Variants in CALN1 observed in about 807,000 individuals in gnomAD.
The protein encoded by CALN1 is calcium-binding protein 8.
A neutral mutation model predicts 30.6 loss-of-function variants in CALN1; 17 were observed. The ratio of observed to expected loss-of-function variants is 0.56; its 90% CI spans 0.38 to 0.83. The LOEUF (loss-of-function observed/expected upper bound fraction) is 0.83, where lower values mean the gene tolerates loss of function less well. Ranked by LOEUF, CALN1 falls within the 40% of genes least tolerant of loss-of-function variation. The pLI is 0.00. For missense variants in CALN1, 291 were observed against 354.9 expected, an observed-to-expected ratio of 0.82 and a Z score of 1.45; for synonymous variants, 156 against 131.4, an observed-to-expected ratio of 1.19 and a Z score of -1.28.
At chr7:72,415,315 T>A (rs1474748892), upstream of CALN1, among the ~76,000 whole-genome samples, 1 of 152,246 alleles carries the variant, frequency 6.6e-6, no homozygotes, top group Non-Finnish European at 1.5e-5. Flanking sequence ...TTTCTCCTTC[T>A]TATAAAACGG....
chr7:71,895,017 C>A (rs1439479849), intron 5 of CALN1, among the ~76,000 whole-genome samples: 2 of 151,478 alleles, frequency 1.3e-5, no homozygotes, highest in African/African-American at 4.9e-5. Context: ...TGCAGTGATG[C>A]AGTCTTGGCT....
At chr7:72,464,098 A>AAGAG in the CALN1 span, among the ~76,000 whole-genome samples, 1 of 142,260 alleles carries the variant, frequency 7.0e-6, no homozygotes, top group Non-Finnish European at 1.5e-5. Context: ...GAAAGAAAGA[A>AAGAG]AGAGAGAGAA....
chr7:72,046,149 T>A (rs1802456841), intron 4 of CALN1, among the ~76,000 whole-genome samples: 1 of 151,438 alleles, frequency 6.6e-6, no homozygotes, highest in Admixed American at 6.6e-5. Context: ...CCTGTCTCTA[T>A]AAGAAATACA....
At chr7:71,811,685 T>A (rs201849381) in intron 5 of CALN1, among the ~76,000 whole-genome samples, 1 of 64,002 alleles carries the variant, frequency 1.6e-5, no homozygotes, top group Non-Finnish European at 3.0e-5. Context: ...TCTTTTTTTT[T>A]TTTTTTTTCC....
intron 3 of CALN1, among the ~76,000 whole-genome samples, chr7:72,164,521 A>G (rs1788379085): frequency 1.3e-5 from 2 of 152,200 alleles, no homozygotes; most frequent in Non-Finnish European, 2.9e-5. Flanking sequence ...TTCTCCCTGC[A>G]GGTGTTAGAG....
intron 6 of CALN1, among the ~76,000 whole-genome samples, chr7:71,800,766 G>A (rs1279321949): frequency 6.7e-6 from 1 of 149,662 alleles, no homozygotes; most frequent in African/African-American, 2.5e-5. Context: ...TTGACAGGTA[G>A]ACCCAGGTTA....
intron 2 of CALN1, among the ~76,000 whole-genome samples, chr7:72,394,972 G>C (rs771239087): frequency 1.3e-5 from 2 of 152,142 alleles, no homozygotes; most frequent in South Asian, 4.2e-4. Flanking sequence ...TTCTATTCTT[G>C]TCTTGTAAGT....
chr7:72,045,719 A>G lies in CALN1; in HGVS notation c.389-21950T>C, dbSNP rs1366400212. On this transcript the variant is annotated intron_variant, in intron 4 of 6. Coordinates refer to ENST00000395275, the MANE Select transcript of CALN1 (RefSeq NM_031468.4). The stretch of plus-strand genomic sequence containing the variant: ...CATTTTTTAATTTTTTCGTAGAGAG[A>G]CCAGGTGTGGTGGCTCACACCTGTA... Among the ~76,000 whole-genome samples the G allele has an allele frequency of 5.3e-5, 8 of 152,032 alleles. No homozygotes were observed. In the East Asian group the frequency reaches 1.6e-3, roughly 30 times the overall value.
intron 5 of CALN1, among the ~76,000 whole-genome samples, chr7:72,014,054 T>C (rs1800239296): frequency 6.6e-6 from 1 of 151,760 alleles, no homozygotes. Flanking sequence ...TCTTTCTATT[T>C]ACATTTCTAT....
intron 3 of CALN1, among the ~76,000 whole-genome samples, chr7:72,212,450 T>C (rs551559161): frequency 5.3e-5 from 8 of 152,076 alleles, no homozygotes; most frequent in South Asian, 2.1e-4. Flanking sequence ...CCAGCCCCCA[T>C]TGAAACTATT....
In CALN1 at chr7:71,801,933, A is replaced by G. The variant is rs537741417; in HGVS notation, c.658+8403T>C. Among the ~76,000 whole-genome samples, 6 of 152,012 alleles carry G rather than the reference A, an allele frequency of 3.9e-5. No homozygotes were observed. The South Asian group carries it at 1.0e-3, about 26-fold the overall frequency. ...GTGGAGGTTGCAGGGAGTTGAGATC[A>G]TATCACTTCACTCCAGCCCGGGCAA... On this transcript the variant is annotated intron_variant, in intron 6 of 6. Coordinates refer to ENST00000395275, the MANE Select transcript of CALN1 (RefSeq NM_031468.4).
intron 3 of CALN1, among the ~76,000 whole-genome samples, chr7:72,109,883 T>TGGGTTAGGA (rs1807440523): frequency 1.1e-5 from 1 of 88,280 alleles, no homozygotes. Context: ...TCTGAAAAAA[T>TGGGTTAGGA]GGGTTAGGTG....
intron 5 of CALN1, among the ~76,000 whole-genome samples, chr7:71,948,340 T>C (rs1796511019): frequency 6.6e-6 from 1 of 152,112 alleles, no homozygotes; most frequent in Non-Finnish European, 1.5e-5. Context: ...TGATGGGTCT[T>C]CCAAATGCTC....
At chr7:71,882,266 T>C (rs1387403462) in intron 5 of CALN1, among the ~76,000 whole-genome samples, 1 of 152,220 alleles carries the variant, frequency 6.6e-6, no homozygotes, top group Admixed American at 6.5e-5. Context: ...ACCTCTGCTT[T>C]TGTTCTCACG....
intron 5 of CALN1, among the ~76,000 whole-genome samples, chr7:71,965,289 C>T (rs543639758): frequency 2.0e-5 from 3 of 152,144 alleles, no homozygotes; most frequent in African/African-American, 4.8e-5. Flanking sequence ...CCTCAGCCTC[C>T]CAAAGTACTA....
intron 2 of CALN1, among the ~76,000 whole-genome samples, chr7:72,313,923 G>C (rs1800236943): frequency 6.6e-6 from 1 of 152,160 alleles, no homozygotes; most frequent in Non-Finnish European, 1.5e-5. Flanking sequence ...GTAACCACAG[G>C]GTGGACAAAT....
At chr7:71,925,344 T>G (rs1191122619) in intron 5 of CALN1, among the ~76,000 whole-genome samples, 3 of 152,122 alleles carry the variant, frequency 2.0e-5, no homozygotes, top group African/African-American at 7.2e-5. Context: ...CTTTCAACTA[T>G]TCCTAGAAAT....
intron 3 of CALN1, among the ~76,000 whole-genome samples, chr7:72,119,383 C>T (rs1451984865): frequency 6.6e-6 from 1 of 152,050 alleles, no homozygotes; most frequent in South Asian, 2.1e-4. Context: ...ATGAGAACAG[C>T]GCAGGAAAGA....
Position 72,023,648 on chromosome 7 carries a change from C to A in CALN1, c.501+9G>T, listed in dbSNP as rs111426328. On this transcript the variant is annotated intron_variant, in intron 5 of 6. Coordinates refer to ENST00000395275, the MANE Select transcript of CALN1 (RefSeq NM_031468.4). ...CAAACTTAGTCTGAAAAAAAATATT[C>A]TTACTCACCTGCCAGAATATGCTGT... The A allele has an allele frequency of 6.2e-6, 10 of 1,607,052 alleles. No individual in the cohort carries two copies. The highest frequency in any genetic ancestry group is 5.3e-5 in the African/African-American group (4 of 74,854).
Sources: gnomAD v4.1 joint callset for allele counts (sites outside exome capture counted in the v4.1 genomes callset) on GRCh38, gnomAD v4.1.1 for gene constraint, MANE v1.5 for transcripts, NCBI Gene and HGNC (gene_info 2026-07-23, HGNC 2026-07-21) for gene names.